Variants in KLF8 observed in about 807,000 individuals in gnomAD.
KLF8 encodes KLF transcription factor 8.
KLF8 carries 10 observed loss-of-function variants against 18.2 expected under a neutral mutation model. The observed-to-expected ratio is 0.55, with a 90% CI of 0.34 to 0.93. KLF8 has a LOEUF of 0.93. KLF8 is among the 40% of genes least tolerant of loss of function. The pLI is 0.02. For synonymous variants in KLF8, 109 were observed against 97.3 expected, an observed-to-expected ratio of 1.12 and a Z score of -0.71; for missense variants, 264 against 277.9, an observed-to-expected ratio of 0.95 and a Z score of 0.36.
At chrX:56,045,050 G>A in the KLF8 span, among the ~76,000 whole-genome samples, 1 of 111,775 alleles carries the variant, frequency 8.9e-6, no homozygotes, top group Non-Finnish European at 1.9e-5. Flanking sequence ...TAATTCTTTG[G>A]TCCATGTTGA....
At chrX:56,270,342 C>T in intron 5 of KLF8, 21 bp downstream of exon 5, 1 of 999,844 alleles carries the variant, frequency 1.0e-6, no homozygotes, top group South Asian at 2.3e-5. Context: ...TCCCATCTCA[C>T]CCCCAACACA....
chrX:56,055,600 G>A, the KLF8 span, among the ~76,000 whole-genome samples: 5 of 111,683 alleles, frequency 4.5e-5, no homozygotes, highest in Admixed American at 2.8e-4. Flanking sequence ...TTGAATTTGC[G>A]TTTTGGCCTC....
intron 2 of KLF8, among the ~76,000 whole-genome samples, chrX:56,262,908 C>A (rs2066903274): frequency 8.9e-6 from 1 of 111,753 alleles, no homozygotes; most frequent in Non-Finnish European, 1.9e-5. Context: ...CAGGCATGAG[C>A]CACCGCGCCC....
At chrX:56,056,404 A>G in the KLF8 span, among the ~76,000 whole-genome samples, 1 of 109,231 alleles carries the variant, frequency 9.2e-6, no homozygotes, top group African/African-American at 3.3e-5. Context: ...AGGCCCCAGC[A>G]TTGTTCTCTG....
the KLF8 span, among the ~76,000 whole-genome samples, chrX:56,150,702 C>G: frequency 9.0e-6 from 1 of 110,715 alleles, no homozygotes; most frequent in Non-Finnish European, 1.9e-5. Context: ...GGGCTACTCT[C>G]ACTAGGACTC....
chrX:55,980,271 G>A, the KLF8 span, among the ~76,000 whole-genome samples: 3 of 112,084 alleles, frequency 2.7e-5, no homozygotes, highest in Non-Finnish European at 5.6e-5. Context: ...CACATTTACT[G>A]AGTGCTTGTT....
the KLF8 span, among the ~76,000 whole-genome samples, chrX:56,006,887 C>T: frequency 8.9e-6 from 1 of 111,933 alleles, no homozygotes; most frequent in African/African-American, 3.3e-5. Context: ...CAGGCTGGGT[C>T]GTTTCCCAGG....
At chrX:56,051,024 G>C in the KLF8 span, among the ~76,000 whole-genome samples, 25 of 109,767 alleles carry the variant, frequency 2.3e-4, no homozygotes, top group African/African-American at 7.9e-4. Flanking sequence ...ATTATGTAAT[G>C]GCCTTCTTTG....
the KLF8 span, among the ~76,000 whole-genome samples, chrX:56,040,868 A>T: frequency 6.4e-5 from 2 of 31,226 alleles, no homozygotes; most frequent in Non-Finnish European, 1.1e-4. Flanking sequence ...TTCAGCTGTG[A>T]ATCTGTCTGG....
chrX:56,179,102 CT>C, the KLF8 span, among the ~76,000 whole-genome samples: 2 of 112,073 alleles, frequency 1.8e-5, no homozygotes, highest in African/African-American at 6.5e-5. Flanking sequence ...AATATTGATT[CT>C]TCCTATCCAT....
chrX:56,064,787 G>A, the KLF8 span, among the ~76,000 whole-genome samples: 2 of 111,540 alleles, frequency 1.8e-5, no homozygotes, highest in African/African-American at 6.5e-5. Context: ...GGGCATTCTA[G>A]TGGTGATAAA....
chrX:56,275,881 C>G (rs1304187869), intron 5 of KLF8, among the ~76,000 whole-genome samples: 1 of 111,565 alleles, frequency 9.0e-6, no homozygotes, highest in African/African-American at 3.3e-5. Flanking sequence ...TAATGTGTTG[C>G]TAGTATTTTG....
chrX:56,155,608 A>C, the KLF8 span, among the ~76,000 whole-genome samples: 2 of 111,921 alleles, frequency 1.8e-5, no homozygotes, highest in African/African-American at 6.5e-5. Context: ...GTATAATAAA[A>C]ATAAAATTAA....
the KLF8 span, among the ~76,000 whole-genome samples, chrX:56,080,285 A>T: frequency 8.1e-5 from 9 of 110,718 alleles, no homozygotes; most frequent in Admixed American, 3.8e-4. Context: ...AGTGGCTGGT[A>T]CCGGTTGTTC....
chrX:56,189,613 A>T, the KLF8 span, among the ~76,000 whole-genome samples: 6 of 111,163 alleles, frequency 5.4e-5, no homozygotes, highest in East Asian at 1.7e-3. Flanking sequence ...AAGTCTTGGA[A>T]CCAAGCCAAA....
the KLF8 span, among the ~76,000 whole-genome samples, chrX:56,111,967 C>T: frequency 1.8e-5 from 2 of 111,818 alleles, no homozygotes; most frequent in African/African-American, 6.5e-5. Flanking sequence ...TTTGACCCAG[C>T]AATCCCTTTA....
At chrX:56,005,989 C>T in the KLF8 span, among the ~76,000 whole-genome samples, 6 of 112,593 alleles carry the variant, frequency 5.3e-5, no homozygotes, top group East Asian at 2.8e-4. Context: ...TAGACCCTGG[C>T]GGAGGCCAAC....
chrX:56,281,121 C>A (rs978496615), intron 5 of KLF8, among the ~76,000 whole-genome samples: 1 of 112,118 alleles, frequency 8.9e-6, no homozygotes, highest in Admixed American at 9.4e-5. Flanking sequence ...TCACACACAC[C>A]CCCTTGGGTA....
chrX:55,929,165 G>A, the KLF8 span, among the ~76,000 whole-genome samples: 2 of 112,448 alleles, frequency 1.8e-5, no homozygotes, highest in African/African-American at 3.2e-5. Flanking sequence ...CCGCATAAAT[G>A]TCTTCTTTTG....
Sources: gnomAD v4.1 joint callset for allele counts (sites outside exome capture counted in the v4.1 genomes callset) on GRCh38, gnomAD v4.1.1 for gene constraint, MANE v1.5 for transcripts, NCBI Gene and HGNC (gene_info 2026-07-23, HGNC 2026-07-21) for gene names.